Variants in KHDRBS2 observed in about 807,000 individuals in gnomAD.
KHDRBS2 encodes the protein KH RNA binding domain containing, signal transduction associated 2, also known as KH domain-containing, RNA-binding, signal transduction-associated protein 2.
Under a neutral mutation model 44.3 loss-of-function variants are expected in KHDRBS2, and 26 were observed. The ratio of observed to expected loss-of-function variants is 0.59; its 90% confidence interval spans 0.43 to 0.81. The LOEUF is 0.81. KHDRBS2 is among the 40% of genes least tolerant of loss of function. The pLI, the probability that KHDRBS2 is intolerant of heterozygous loss-of-function variation, is 0.00. For missense variants in KHDRBS2, 476 were observed against 433.1 expected (o/e 1.10, Z -0.88); for synonymous variants, 194 against 151.1 (o/e 1.28, Z -2.08).
At chr6:61,976,166 G>T (rs1411209977) in intron 4 of KHDRBS2, among the ~76,000 whole-genome samples, 2 of 152,066 alleles carry the variant, frequency 1.3e-5, no homozygotes, top group Non-Finnish European at 2.9e-5. Flanking sequence ...TACCTGGATA[G>T]CTATTTTATC....
At chr6:61,754,004 G>A (rs542331733) in intron 6 of KHDRBS2, among the ~76,000 whole-genome samples, 23 of 152,196 alleles carry the variant, frequency 1.5e-4, no homozygotes, top group African/African-American at 4.8e-4. Flanking sequence ...CCAGAAGCTG[G>A]AAGAAACAAG....
At chr6:61,597,195 G>T in the KHDRBS2 span, among the ~76,000 whole-genome samples, 5 of 152,138 alleles carry the variant, frequency 3.3e-5, no homozygotes, top group African/African-American at 9.7e-5. Context: ...TACAGAGGAG[G>T]AAGATGCCAT....
intron 3 of KHDRBS2, among the ~76,000 whole-genome samples, chr6:62,027,078 T>C (rs759500052): frequency 7.9e-5 from 12 of 152,102 alleles, no homozygotes; most frequent in Non-Finnish European, 1.2e-4. Context: ...TATTTTAGAT[T>C]CATCTCTGGA....
intron 6 of KHDRBS2, among the ~76,000 whole-genome samples, chr6:61,825,821 G>A (rs1242552370): frequency 6.6e-6 from 1 of 151,998 alleles, no homozygotes. Context: ...GTACTCAATG[G>A]GGATGATGAG....
At chr6:61,587,069 G>C in the KHDRBS2 span, among the ~76,000 whole-genome samples, 2 of 152,022 alleles carry the variant, frequency 1.3e-5, no homozygotes, top group Non-Finnish European at 2.9e-5. Flanking sequence ...ATGCTGTCAT[G>C]AGTTGGGAAA....
chr6:62,177,658 T>A (rs1448053462), intron 1 of KHDRBS2, among the ~76,000 whole-genome samples: 1 of 151,448 alleles, frequency 6.6e-6, no homozygotes, highest in Non-Finnish European at 1.5e-5. Flanking sequence ...GCAAACTTAA[T>A]TTTTTCCAGG....
intron 1 of KHDRBS2, among the ~76,000 whole-genome samples, chr6:62,271,060 T>C (rs1840011262): frequency 6.6e-6 from 1 of 152,164 alleles, no homozygotes; most frequent in South Asian, 2.1e-4. Context: ...ACAAATTCCA[T>C]ATACACACAC....
chr6:61,556,837 C>G, the KHDRBS2 span, among the ~76,000 whole-genome samples: 1 of 139,370 alleles, frequency 7.2e-6, no homozygotes, highest in African/African-American at 2.7e-5. Context: ...ATAATAGTTA[C>G]TGATTTATCA....
chr6:61,709,712 A>C (rs917576716), intron 7 of KHDRBS2, among the ~76,000 whole-genome samples: 15 of 151,676 alleles, frequency 9.9e-5, no homozygotes, highest in African/African-American at 3.1e-4. Context: ...TCTATAAATA[A>C]TGCTTTCCAC....
At chr6:61,995,373 T>A (rs1265451513) in intron 3 of KHDRBS2, among the ~76,000 whole-genome samples, 6 of 152,186 alleles carry the variant, frequency 3.9e-5, no homozygotes, top group Admixed American at 2.6e-4. Context: ...ATTTAATGTC[T>A]ACTTTTCTAA....
intron 4 of KHDRBS2, among the ~76,000 whole-genome samples, chr6:61,957,313 G>A (rs1767593161): frequency 6.6e-6 from 1 of 152,152 alleles, no homozygotes. Flanking sequence ...AAAAGAACAG[G>A]ATAACAGCAA....
chr6:61,726,721 T>C (rs1382277712), intron 7 of KHDRBS2, among the ~76,000 whole-genome samples: 3 of 152,086 alleles, frequency 2.0e-5, no homozygotes, highest in South Asian at 2.1e-4. Context: ...GCAAGGGAAG[T>C]GACGGATCTC....
At chr6:61,551,003 G>T in the KHDRBS2 span, among the ~76,000 whole-genome samples, 1 of 151,880 alleles carries the variant, frequency 6.6e-6, no homozygotes, top group Admixed American at 6.6e-5. Flanking sequence ...GGAACTTCTG[G>T]CCTCGAGTGA....
At chr6:62,145,990 T>C (rs1361368986) in intron 2 of KHDRBS2, among the ~76,000 whole-genome samples, 2 of 151,894 alleles carry the variant, frequency 1.3e-5, no homozygotes, top group East Asian at 1.9e-4. Context: ...TTTCAAAATA[T>C]ATCTTCCTTT....
chr6:61,983,761 C>A (rs1239198445), intron 3 of KHDRBS2, among the ~76,000 whole-genome samples: 2 of 152,018 alleles, frequency 1.3e-5, no homozygotes, highest in Non-Finnish European at 2.9e-5. Context: ...ACTTGTTTTG[C>A]AAACAAGAAT....
the KHDRBS2 span, among the ~76,000 whole-genome samples, chr6:61,578,849 A>C: frequency 6.6e-6 from 1 of 152,158 alleles, no homozygotes; most frequent in Non-Finnish European, 1.5e-5. Flanking sequence ...TAAAGAAGAC[A>C]AATGTTAACA....
the KHDRBS2 span, among the ~76,000 whole-genome samples, chr6:61,552,366 T>C: frequency 4.6e-5 from 7 of 152,320 alleles, no homozygotes; most frequent in Non-Finnish European, 8.8e-5. Flanking sequence ...TGATTTTGTA[T>C]ACTAAAACTT....
At chr6:62,070,265 TTCTG>T (rs748038462) in intron 2 of KHDRBS2, among the ~76,000 whole-genome samples, 1 of 151,834 alleles carries the variant, frequency 6.6e-6, no homozygotes, top group Non-Finnish European at 1.5e-5. Context: ...AGTTTTCTTT[TTCTG>T]TCTTTGTCTG....
At chr6:62,060,525 A>C (rs1791527714) in intron 2 of KHDRBS2, among the ~76,000 whole-genome samples, 1 of 151,752 alleles carries the variant, frequency 6.6e-6, no homozygotes, top group African/African-American at 2.4e-5. Context: ...TTCTAGGCCA[A>C]GATACCAACC....
Sources: allele counts gnomAD v4.1 joint callset (sites outside exome capture counted in the v4.1 genomes callset), GRCh38; gene constraint gnomAD v4.1.1; transcripts MANE v1.5; gene names NCBI Gene and HGNC (gene_info 2026-07-23, HGNC 2026-07-21).